The following CSMD1 variants were observed in gnomAD, a reference collection of about 807,000 sequenced individuals.
The protein encoded by CSMD1 is CUB and Sushi multiple domains 1, also known as CUB and sushi domain-containing protein 1.
Under a neutral mutation model 417.5 loss-of-function variants are expected in CSMD1, and 213 were observed. The observed-to-expected ratio is 0.51, with a 90% CI of 0.46 to 0.57. The LOEUF (loss-of-function observed/expected upper bound fraction) is 0.57. Ranked by LOEUF, CSMD1 falls within the 20% of genes least tolerant of loss-of-function variation. CSMD1 has a pLI of 0.00. For missense variants in CSMD1, 6,923 were observed against 4,529.7 expected, an observed-to-expected ratio of 1.53 and a Z score of -15.17; for synonymous variants, 2,862 against 1,736.8, an observed-to-expected ratio of 1.65 and a Z score of -16.11.
At chr8:3,992,823 C>A (rs1814862984) in intron 5 of CSMD1, among the ~76,000 whole-genome samples, 1 of 152,214 alleles carries the variant, frequency 6.6e-6, no homozygotes. Flanking sequence ...AACAATTCGC[C>A]CATTTTAATT....
chr8:4,766,953 TTAAGA>T (rs978674125), intron 1 of CSMD1, among the ~76,000 whole-genome samples: 9 of 152,276 alleles, frequency 5.9e-5, no homozygotes, highest in Middle Eastern at 6.8e-3. Flanking sequence ...TTTGACTGAG[TTAAGA>T]TAAGAAGATA....
chr8:3,834,933 A>G (rs1360778770), intron 5 of CSMD1, among the ~76,000 whole-genome samples: 1 of 152,100 alleles, frequency 6.6e-6, no homozygotes, highest in Non-Finnish European at 1.5e-5. Flanking sequence ...TTCTCAAAAG[A>G]AGACATTTAG....
At chr8:3,066,931 T>A (rs1314474256) in intron 49 of CSMD1, among the ~76,000 whole-genome samples, 1 of 152,172 alleles carries the variant, frequency 6.6e-6, no homozygotes, top group Non-Finnish European at 1.5e-5. Flanking sequence ...GAGCTTCTAG[T>A]TAAGAGAAGT....
chr8:4,055,916 G>T (rs917087315), intron 3 of CSMD1, among the ~76,000 whole-genome samples: 4 of 151,954 alleles, frequency 2.6e-5, no homozygotes, highest in Non-Finnish European at 5.9e-5. Context: ...TAGTATTTAA[G>T]CTTTTAAACA....
intron 6 of CSMD1, among the ~76,000 whole-genome samples, chr8:3,751,280 T>C (rs556742144): frequency 6.9e-4 from 103 of 148,478 alleles, no homozygotes; most frequent in African/African-American, 2.3e-3. Flanking sequence ...GACTCCTCTC[T>C]CCTTATATAT....
chr8:3,843,560 G>T (rs1000543534), intron 5 of CSMD1, among the ~76,000 whole-genome samples: 4 of 152,034 alleles, frequency 2.6e-5, no homozygotes, highest in African/African-American at 7.2e-5. Context: ...AGTTATTCAC[G>T]ATGCTTTTAT....
chr8:4,807,225 G>T (rs946298362), intron 1 of CSMD1, among the ~76,000 whole-genome samples: 1 of 152,046 alleles, frequency 6.6e-6, no homozygotes, highest in Admixed American at 6.6e-5. Context: ...CACTCACCCG[G>T]GGGTTCGGCA....
At chr8:3,674,727 A>T (rs1478656931) in intron 7 of CSMD1, among the ~76,000 whole-genome samples, 3 of 152,166 alleles carry the variant, frequency 2.0e-5, no homozygotes, top group Non-Finnish European at 4.4e-5. Flanking sequence ...TGCTGATTCC[A>T]AGTCCCTGCC....
chr8:4,155,737 G>C (rs530777706), intron 3 of CSMD1, among the ~76,000 whole-genome samples: 2 of 152,042 alleles, frequency 1.3e-5, no homozygotes, highest in Non-Finnish European at 2.9e-5. Flanking sequence ...ACATTCCTCC[G>C]TGTCAGCTTT....
intron 5 of CSMD1, among the ~76,000 whole-genome samples, chr8:3,840,963 T>C (rs1258245129): frequency 6.6e-6 from 1 of 152,086 alleles, no homozygotes; most frequent in Non-Finnish European, 1.5e-5. Context: ...TGCCTCGGCC[T>C]CCCAAAGTGC....
intron 7 of CSMD1, among the ~76,000 whole-genome samples, chr8:3,662,124 G>A (rs1798452192): frequency 6.6e-6 from 1 of 152,106 alleles, no homozygotes; most frequent in South Asian, 2.1e-4. Flanking sequence ...ACACCAGGAT[G>A]TTTTATCTTC....
chr8:3,439,739 C>G (rs1271529491), intron 12 of CSMD1, among the ~76,000 whole-genome samples: 13 of 152,040 alleles, frequency 8.6e-5, no homozygotes, highest in African/African-American at 3.1e-4. Flanking sequence ...TGCCTAGTCT[C>G]AGATTGCAAA....
intron 7 of CSMD1, among the ~76,000 whole-genome samples, chr8:3,675,493 C>A (rs1048460644): frequency 6.6e-6 from 1 of 152,148 alleles, no homozygotes; most frequent in African/African-American, 2.4e-5. Flanking sequence ...TGTGTCCCAC[C>A]AAAATTCATA....
chr8:4,210,919 G>A (rs1471207512), intron 3 of CSMD1, among the ~76,000 whole-genome samples: 2 of 152,072 alleles, frequency 1.3e-5, no homozygotes, highest in East Asian at 1.9e-4. Context: ...TTGACTTAAT[G>A]AAAAACTCGA....
intron 2 of CSMD1, among the ~76,000 whole-genome samples, chr8:4,512,679 C>A (rs1035029623): frequency 1.3e-5 from 2 of 151,814 alleles, no homozygotes; most frequent in Non-Finnish European, 2.9e-5. Flanking sequence ...TATAATAATA[C>A]CATTTACATT....
intron 26 of CSMD1, among the ~76,000 whole-genome samples, chr8:3,251,103 A>T (rs1292956081): frequency 1.3e-5 from 2 of 151,892 alleles, no homozygotes; most frequent in African/African-American, 4.8e-5. Context: ...TTTTGTTGCC[A>T]TTGCTTTTGG....
intron 1 of CSMD1, among the ~76,000 whole-genome samples, chr8:4,897,022 T>C (rs189413889): frequency 3.9e-5 from 6 of 152,144 alleles, no homozygotes; most frequent in Non-Finnish European, 7.3e-5. Flanking sequence ...TCTTTTCCCA[T>C]GACAGTTTTA....
intron 3 of CSMD1, among the ~76,000 whole-genome samples, chr8:4,340,178 C>A (rs552835943): frequency 6.6e-6 from 1 of 151,388 alleles, no homozygotes; most frequent in East Asian, 1.9e-4. Flanking sequence ...CCTTTTTTTT[C>A]TGATCCAAAA....
At chr8:4,783,169 T>G (rs1797236893) in intron 1 of CSMD1, among the ~76,000 whole-genome samples, 1 of 152,144 alleles carries the variant, frequency 6.6e-6, no homozygotes, top group Non-Finnish European at 1.5e-5. Context: ...CACCTGAAAT[T>G]TTGTAGATAG....
Sources: gnomAD v4.1 joint callset for allele counts (sites outside exome capture counted in the v4.1 genomes callset) on GRCh38, gnomAD v4.1.1 for gene constraint, MANE v1.5 for transcripts, NCBI Gene and HGNC (gene_info 2026-07-23, HGNC 2026-07-21) for gene names.